The following RASGRP2 variants were observed in gnomAD, a reference collection of about 807,000 sequenced individuals.
The protein encoded by RASGRP2 is RAS guanyl-releasing protein 2.
In RASGRP2, 44 loss-of-function variants were observed where a neutral mutation model predicts 71.0. The ratio of observed to expected loss-of-function variants is 0.62; its 90% confidence interval spans 0.49 to 0.80. RASGRP2 has a LOEUF of 0.80. Among genes scored for constraint, RASGRP2 ranks in the 30% least tolerant of loss-of-function variants. RASGRP2 has a pLI of 0.00. For synonymous variants in RASGRP2, 350 were observed against 330.7 expected (o/e 1.06, Z -0.63); for missense variants, 663 against 813.4 (o/e 0.82, Z 2.25).
At chr11:64,729,713 C>T (rs552793739) in intron 14 of RASGRP2, 49 bp downstream of exon 14, 1 of 1,551,854 alleles carries the variant, frequency 6.4e-7, no homozygotes, top group Non-Finnish European at 8.7e-7. Flanking sequence ...AACAAACAAA[C>T]AAAAAAAAAA....
chr11:64,737,355 C>T (rs2057975273), intron 8 of RASGRP2: 9 of 391,006 alleles, frequency 2.3e-5, no homozygotes, highest in South Asian at 2.1e-4. Flanking sequence ...ACATACTCAG[C>T]CACCCCGTCC....
rs567182226 is a variant in RASGRP2, at chr11:64,739,862, T to C, written c.523-53A>G. 1.2e-6 allele frequency: 2 copies of C among 1,610,362 alleles called. No individual in the cohort carries two copies. Among genetic ancestry groups the C allele is most frequent in the East Asian group, 2.2e-5 (1 of 44,842 alleles). On this transcript the variant is annotated intron_variant, in intron 6 of 16. Transcript: ENST00000394432. This position sits in a 1 kb window ranked among gnomAD's most constrained non-coding sequence, Gnocchi z 4.2. ...CCTTGCTGGCCTCTCCCCTCACTGA[T>C]AGCCACTCCTCACCCTCCAGCTGAC...
chr11:64,730,305 C>T, intron 12 of RASGRP2, 111 bp from the exon 13 acceptor site: 3 of 1,392,372 alleles, frequency 2.2e-6, no homozygotes, highest in Middle Eastern at 1.8e-4. Context: ...TGATTTTGGA[C>T]TCCTGTTGCA....
chr11:64,740,131 T>G lies in RASGRP2; in HGVS notation c.404A>C (p.Gln135Pro), dbSNP rs767321876. The change falls in exon 6 of 17, where the codon CAG becomes CCG. Residue 135 changes from glutamine to proline, a missense_variant. Physicochemically the swap from Gln to Pro is moderately conservative, Grantham distance 76 (BLOSUM62 -1). Transcript: ENST00000394432. Reference protein sequence around the residue: ...PTYKWKRQVTQRNPVGQKKRK... With the variant: ...PTYKWKRQVTPRNPVGQKKRK... ...CTTTTTCTGTCCCACAGGGTTCCGC[T>G]GAGTCACCTGCCGCTTCCACTTGTA... 1 of 1,614,004 alleles carries G rather than the reference T, an allele frequency of 6.2e-7. No individual in the cohort carries two copies.
At chr11:64,736,652 G>A (rs2057947118) in intron 9 of RASGRP2, 101 bp downstream of exon 9, 1 of 1,329,720 alleles carries the variant, frequency 7.5e-7, no homozygotes, top group Non-Finnish European at 1.0e-6. Context: ...TCAGTTTCTT[G>A]GCCAGAACCC....
chr11:64,741,584 A>G, intron 3 of RASGRP2, 83 bp from the exon 4 acceptor site: 3 of 1,224,170 alleles, frequency 2.5e-6, no homozygotes, highest in Middle Eastern at 4.2e-4. Flanking sequence ...GCCTGGTTCT[A>G]GGAGACACGT....
chr11:64,735,630 C>T lies in RASGRP2; in HGVS notation c.1208G>A (p.Arg403Gln), dbSNP rs755815297. The T allele has an allele frequency of 3.1e-6, 5 of 1,613,538 alleles. No individual in the cohort carries two copies. The highest frequency in any genetic ancestry group is 3.4e-6 in the Non-Finnish European group (4 of 1,179,862). The change falls in exon 11 of 17, where the codon CGG (arginine) becomes CAG (glutamine). Residue 403 changes from arginine to glutamine, a missense_variant. Arg to Gln is a conservative substitution (Grantham distance 43). Coordinates refer to ENST00000394432, the MANE Select transcript of RASGRP2 (RefSeq NM_001098671.2). The surrounding 1 kb of genome is among the most constrained non-coding windows in gnomAD (Gnocchi z 4.2). ...GGTCCACTCCTCCAGTACCGGGGGCCGGGGTGGTGGGGTGCAACTCGTGGG... is the reference window on the plus strand; with the variant it reads ...GGTCCACTCCTCCAGTACCGGGGGCTGGGGTGGTGGGGTGCAACTCGTGGG... ...TSPTSCTPPPRPPVLEEWTSA... is the reference protein window; with the variant it reads ...TSPTSCTPPPQPPVLEEWTSA...
Position 64,740,167 on chromosome 11 carries a change from G to C in RASGRP2, c.372-4C>G, listed in dbSNP as rs773617985. ...CCGCTTCCACTTGTAGGTAGGGCTGGGGGGGCAGGGGTAGTGAGCCCTTTG... is the reference window on the plus strand; with the variant it reads ...CCGCTTCCACTTGTAGGTAGGGCTGCGGGGGCAGGGGTAGTGAGCCCTTTG... On this transcript the variant is annotated splice_region_variant and splice_polypyrimidine_tract_variant and intron_variant, in intron 5 of 16. Coordinates refer to ENST00000394432, the MANE Select transcript of RASGRP2 (RefSeq NM_001098671.2). The C allele has an allele frequency of 6.2e-7, 1 of 1,613,862 alleles. No individual in the cohort carries two copies. The highest frequency in any genetic ancestry group is 8.5e-7 in the Non-Finnish European group (1 of 1,180,012).
intron 12 of RASGRP2, among the ~76,000 whole-genome samples, chr11:64,733,853 C>CTTTTTTTTTTTT (rs200730812): frequency 1.5e-5 from 2 of 135,654 alleles, no homozygotes; most frequent in Non-Finnish European, 1.5e-5. Flanking sequence ...CTTTTTTTTT[C>CTTTTTTTTTTTT]TTTTTTTTTT....
At chr11:64,733,265 G>A (rs113535990) in intron 12 of RASGRP2, among the ~76,000 whole-genome samples, 5 of 152,146 alleles carry the variant, frequency 3.3e-5, no homozygotes, top group African/African-American at 1.2e-4. Context: ...AAACACCCAA[G>A]TTCCAGAAAC....
chr11:64,727,252 A>G, intron 16 of RASGRP2, 44 bp downstream of exon 16: 1 of 1,549,672 alleles, frequency 6.5e-7, no homozygotes, highest in Non-Finnish European at 8.9e-7. Context: ...GCTCCCCCCC[A>G]GCCCTCAGTG....
At chr11:64,741,115 C>T (rs1292056237) in intron 4 of RASGRP2, 36 bp from the exon 5 acceptor site, 2 of 1,607,722 alleles carry the variant, frequency 1.2e-6, no homozygotes, top group African/African-American at 1.3e-5. Context: ...ATAGCCCTTC[C>T]CCCACCATCA....
At position 64,742,181 on chromosome 11, in the gene RASGRP2, G is replaced by A. The variant is rs534807000; in HGVS notation, c.74-69C>T. ...AGCTACCATGCCTCATCCTCACCCC[G>A]CAACCCGCCAGGTATCGGTCCTTCG... is the stretch of plus-strand genomic sequence containing the variant. On this transcript the variant is annotated intron_variant, in intron 2 of 16. Coordinates refer to ENST00000394432, the MANE Select transcript of RASGRP2 (RefSeq NM_001098671.2). The surrounding 1 kb of genome is among the most constrained non-coding windows in gnomAD (Gnocchi z 4.7). The A allele has an allele frequency of 2.4e-6, 3 of 1,241,754 alleles. No individual in the cohort carries two copies. Among genetic ancestry groups the A allele is most frequent in the Non-Finnish European group, 3.5e-6 (3 of 865,428 alleles). 76.9% of individuals were successfully genotyped at this position (1,241,754 alleles called of 1,614,324 possible).
chr11:64,736,473 C>G lies in RASGRP2; in HGVS notation c.1095+280G>C, dbSNP rs1409540996. On this transcript the variant is annotated intron_variant, in intron 9 of 16. Coordinates refer to ENST00000394432, the MANE Select transcript of RASGRP2 (RefSeq NM_001098671.2). The stretch of plus-strand genomic sequence containing the variant: ...TGCCCACAGAATGCAGAGCTTGGCC[C>G]AGCCCTAGAACACAGCCCATTGCCA... 2.6e-5 allele frequency among the ~76,000 whole-genome samples: 4 copies of G among 152,260 alleles called. No individual in the cohort carries two copies. In the East Asian group the frequency reaches 7.7e-4, roughly 29 times the overall value.
Position 64,735,584 on chromosome 11 carries a change from C to T in RASGRP2, c.1254G>A (p.Leu418=). 6.2e-7 allele frequency: 1 copy of T among 1,614,154 alleles called. No individual in the cohort carries two copies. The highest frequency in any genetic ancestry group is 8.5e-7 in the Non-Finnish European group (1 of 1,180,038). ...EEWTSAAKPK[L]DQALVVEHIE... is the part of the protein sequence containing the mutation. ...TGTGCTCCACCACGAGGGCCTGATC[C>T]AGCTTGGGTTTGGCAGCCGAGGTCC... Residue 418 remains leucine, a synonymous_variant, in exon 11 of 17, where the codon CTG becomes CTA. Transcript: ENST00000394432. This position sits in a 1 kb window ranked among gnomAD's most constrained non-coding sequence, Gnocchi z 4.2.
intron 15 of RASGRP2, among the ~76,000 whole-genome samples, chr11:64,727,726 A>T (rs1375654524): frequency 3.3e-5 from 5 of 152,078 alleles, no homozygotes; most frequent in Non-Finnish European, 7.4e-5. Context: ...CACGTTGGCC[A>T]GTCTGGTCTC....
In RASGRP2 at chr11:64,737,034, G is replaced by T. The variant is rs780382741; in HGVS notation, c.814C>A (p.Leu272Ile). Residue 272 changes from leucine (L) to isoleucine (I), a missense_variant and splice_region_variant, in exon 9 of 17, where the codon CTC becomes ATC. Leu to Ile is a conservative substitution (Grantham distance 5). Transcript: ENST00000394432. ...ACTAGTTCCGTGAGACCCTCCCAGAGCTGGGGACAAAGGACAGAGGAGTCA... is the reference window on the plus strand; with the variant it reads ...ACTAGTTCCGTGAGACCCTCCCAGATCTGGGGACAAAGGACAGAGGAGTCA... ...HSHVSPETIK[L>I]WEGLTELVTA... 2 of 1,613,630 alleles carry T rather than the reference G, an allele frequency of 1.2e-6. No homozygotes were observed. Among genetic ancestry groups the T allele is most frequent in the Non-Finnish European group, 1.7e-6 (2 of 1,180,014 alleles).
intron 4 of RASGRP2, 82 bp from the exon 5 acceptor site, chr11:64,741,161 T>A (rs2058108514): frequency 8.5e-6 from 13 of 1,532,930 alleles, no homozygotes; most frequent in Non-Finnish European, 1.1e-5. Flanking sequence ...GAGATTATAG[T>A]CACCTAAGCA....
intron 14 of RASGRP2, 23 bp downstream of exon 14, chr11:64,729,739 C>T (rs1304680185): frequency 1.9e-6 from 3 of 1,613,272 alleles, no homozygotes; most frequent in Non-Finnish European, 2.5e-6. Flanking sequence ...TGCCCAGCAG[C>T]CCTTCCAGTC....
Sources: gnomAD v4.1 joint callset for allele counts (sites outside exome capture counted in the v4.1 genomes callset) on GRCh38, gnomAD v4.1.1 for gene constraint, Gnocchi (gnomAD v3.1) non-coding constraint, MANE v1.5 for transcripts, NCBI Gene and HGNC (gene_info 2026-07-23, HGNC 2026-07-21) for gene names.